The following FUT8 variants were observed in gnomAD, a reference collection of about 807,000 sequenced individuals.
FUT8 encodes the protein fucosyltransferase 8.
A neutral mutation model predicts 71.3 loss-of-function variants in FUT8; 29 were observed. The ratio of observed to expected loss-of-function variants is 0.41; its 90% CI spans 0.30 to 0.55. FUT8 has a LOEUF of 0.55. Among genes scored for constraint, FUT8 ranks in the 20% least tolerant of loss-of-function variants. The probability of loss-of-function intolerance (pLI) is 0.34; values close to 1 mark genes in which losing one functional copy is unlikely to be tolerated. For synonymous variants in FUT8, 254 were observed against 239.3 expected (o/e 1.06, Z -0.57); for missense variants, 544 against 702.1 (o/e 0.77, Z 2.55).
the FUT8 span, among the ~76,000 whole-genome samples, chr14:65,365,329 C>CTG: frequency 2.6e-5 from 1 of 38,836 alleles, no homozygotes; most frequent in Non-Finnish European, 4.3e-5. Flanking sequence ...TAAATTCTTC[C>CTG]TCTCTCTCTC....
intron 2 of FUT8, among the ~76,000 whole-genome samples, chr14:65,552,144 G>A (rs933312909): frequency 2.7e-4 from 41 of 152,240 alleles, no homozygotes; most frequent in African/African-American, 9.4e-4. Flanking sequence ...TAAAATGATA[G>A]CAAAAAATGC....
At chr14:65,651,490 C>T (rs1014863180) in intron 6 of FUT8, among the ~76,000 whole-genome samples, 1 of 152,166 alleles carries the variant, frequency 6.6e-6, no homozygotes, top group African/African-American at 2.4e-5. Flanking sequence ...AACAGAGTCT[C>T]CTAACATAAT....
chr14:65,719,608 T>A (rs1475283322), intron 7 of FUT8, among the ~76,000 whole-genome samples: 6 of 152,182 alleles, frequency 3.9e-5, no homozygotes, highest in Admixed American at 3.9e-4. Flanking sequence ...TTCCAGATAT[T>A]TGAAGGGAGT....
At chr14:65,418,206 G>A (rs2065245285) in intron 1 of FUT8, among the ~76,000 whole-genome samples, 1 of 152,114 alleles carries the variant, frequency 6.6e-6, no homozygotes, top group South Asian at 2.1e-4. Context: ...TTGAACAAAA[G>A]TAAAATGAAA....
chr14:65,457,867 A>T (rs1171622154), intron 2 of FUT8: 2 of 152,174 alleles, frequency 1.3e-5, no homozygotes, highest in African/African-American at 2.4e-5. Context: ...CTTTGATTTC[A>T]CTTCCTTGTT....
chr14:65,388,672 G>T, the FUT8 span, among the ~76,000 whole-genome samples: 1 of 152,126 alleles, frequency 6.6e-6, no homozygotes, highest in African/African-American at 2.4e-5. Context: ...TGAGGCAGGA[G>T]AATTGCTTGA....
chr14:65,677,151 T>TGTGTGTGCGCGC lies in FUT8; in HGVS notation c.835+7672_835+7673insTGTGTGCGCGCG. 5.2e-3 allele frequency among the ~76,000 whole-genome samples: 574 copies of TGTGTGTGCGCGC among 110,702 alleles called. 5 individuals are homozygous for TGTGTGTGCGCGC. Among genetic ancestry groups the TGTGTGTGCGCGC allele is most frequent in the Middle Eastern group, 0.035 (7 of 202 alleles). 72.6% of individuals were successfully genotyped at this position (110,702 alleles called of 152,430 possible). On this transcript the variant is annotated intron_variant, in intron 7 of 10. Coordinates refer to ENST00000673929, the MANE Select transcript of FUT8 (RefSeq NM_001371533.1). ...GTGTGTGTGTGTGTGTGTGTGTGTGTGCGCGCGCGCATGCGCGCGCACGTA... is the reference window on the plus strand; with the variant it reads ...GTGTGTGTGTGTGTGTGTGTGTGTGTGTGTGTGCGCGCGCGCGCGCGCATGCGCGCGCACGTA...
intron 2 of FUT8, among the ~76,000 whole-genome samples, chr14:65,492,296 TTGAGCTATAACAAGTGGAGGCATATTG>T (rs1416875128): frequency 2.0e-5 from 3 of 152,318 alleles, no homozygotes; most frequent in South Asian, 2.1e-4. Flanking sequence ...CTAAAGGTTT[TTGAGCTATAACAAGTGGAGGCATATTG>T]TGAGCTATAA....
chr14:65,471,234 A>C, intron 2 of FUT8: 1 of 181,706 alleles, frequency 5.5e-6, no homozygotes, highest in Non-Finnish European at 1.3e-5. Context: ...TTTCTCGGTC[A>C]AAGGATAGAT....
At chr14:65,708,957 T>A (rs1488869204) in intron 7 of FUT8, among the ~76,000 whole-genome samples, 2 of 152,158 alleles carry the variant, frequency 1.3e-5, no homozygotes, top group African/African-American at 4.8e-5. Flanking sequence ...TGACCACAGT[T>A]AATAATAATG....
At chr14:65,505,709 T>C (rs1255694031) in intron 2 of FUT8, among the ~76,000 whole-genome samples, 6 of 152,202 alleles carry the variant, frequency 3.9e-5, no homozygotes, top group Non-Finnish European at 8.8e-5. Flanking sequence ...GGAACTTTTA[T>C]AGTATTTTCT....
chr14:65,611,248 CA>C (rs1888941423), intron 3 of FUT8, among the ~76,000 whole-genome samples: 1 of 44,846 alleles, frequency 2.2e-5, no homozygotes, highest in African/African-American at 1.1e-4. Flanking sequence ...CACACACACA[CA>C]CACACACACA....
intron 1 of FUT8, among the ~76,000 whole-genome samples, chr14:65,425,571 T>C (rs1566739240): frequency 6.6e-6 from 1 of 151,798 alleles, no homozygotes; most frequent in South Asian, 2.1e-4. Context: ...GGTGTACAAC[T>C]TGATGTTTTG....
At chr14:65,473,445 TCTTA>T (rs1295790970) in intron 2 of FUT8, among the ~76,000 whole-genome samples, 5 of 152,190 alleles carry the variant, frequency 3.3e-5, no homozygotes, top group Non-Finnish European at 7.4e-5. Flanking sequence ...AGAAATTTTT[TCTTA>T]CTTATATAAT....
rs560574358 is a variant in FUT8 at position 65,532,110 on chromosome 14, G to T, written c.-227-29227G>T. On this transcript the variant is annotated intron_variant, in intron 2 of 10. Coordinates refer to ENST00000673929, the MANE Select transcript of FUT8 (RefSeq NM_001371533.1). The stretch of plus-strand genomic sequence containing the variant: ...CATGCATGTGTCTTTATGATAGAAT[G>T]ATTTATGTTCTTTTGGTTATATACC... 3.9e-5 allele frequency among the ~76,000 whole-genome samples: 6 copies of T among 152,266 alleles called. No homozygotes were observed. In the East Asian group the frequency reaches 1.2e-3, roughly 29 times the overall value.
chr14:65,570,892 A>G (rs1043923856), intron 3 of FUT8, among the ~76,000 whole-genome samples: 28 of 152,110 alleles, frequency 1.8e-4, no homozygotes, highest in African/African-American at 4.1e-4. Flanking sequence ...GTCTTGCCCA[A>G]TCCCAGCAGC....
chr14:65,417,503 G>A (rs1335363622), intron 1 of FUT8, among the ~76,000 whole-genome samples: 1 of 152,110 alleles, frequency 6.6e-6, no homozygotes, highest in Admixed American at 6.6e-5. Context: ...CGGAGGAAGA[G>A]CAAATGGGAC....
chr14:65,644,403 G>C (rs958957645), intron 6 of FUT8, among the ~76,000 whole-genome samples: 12 of 151,910 alleles, frequency 7.9e-5, no homozygotes, highest in Admixed American at 7.9e-4. Flanking sequence ...CCATTATCCT[G>C]CCTCAGCCTC....
intron 2 of FUT8, among the ~76,000 whole-genome samples, chr14:65,535,869 G>A (rs1223815924): frequency 1.3e-5 from 2 of 152,098 alleles, no homozygotes; most frequent in Non-Finnish European, 2.9e-5. Flanking sequence ...GTCTAATACT[G>A]TTGGTGAGGT....
Sources: gnomAD v4.1 joint callset for allele counts (sites outside exome capture counted in the v4.1 genomes callset) on GRCh38, gnomAD v4.1.1 for gene constraint, MANE v1.5 for transcripts, NCBI Gene and HGNC (gene_info 2026-07-23, HGNC 2026-07-21) for gene names.